The following NAV2 variants were observed in gnomAD, a reference collection of about 807,000 sequenced individuals.
NAV2 encodes the protein neuron navigator 2, also known as helicase, APC down-regulated 1.
NAV2 carries 54 observed loss-of-function variants against 223.2 expected under a neutral mutation model. The observed-to-expected ratio is 0.24, with a 90% CI of 0.19 to 0.30. NAV2 has a LOEUF of 0.30. Ranked by LOEUF, NAV2 falls within the 10% of genes least tolerant of loss-of-function variation. NAV2 has a pLI of 1.00. For synonymous variants in NAV2, 1,279 were observed against 1,239.3 expected (o/e 1.03, Z -0.67); for missense variants, 2,806 against 3,147.5 (o/e 0.89, Z 2.60).
At chr11:19,605,549 AAAG>A (rs984862645) in intron 1 of NAV2, among the ~76,000 whole-genome samples, 3 of 151,886 alleles carry the variant, frequency 2.0e-5, no homozygotes, top group African/African-American at 7.3e-5. Flanking sequence ...AAAAAAAAAA[AAAG>A]AAAGTCATGA....
intron 1 of NAV2, among the ~76,000 whole-genome samples, chr11:19,668,963 A>G (rs1478597245): frequency 6.6e-6 from 1 of 152,284 alleles, no homozygotes; most frequent in Non-Finnish European, 1.5e-5. Flanking sequence ...TTGGATTTTC[A>G]TCTCTTGTCC....
chr11:19,776,247 A>G (rs530027876), intron 1 of NAV2, among the ~76,000 whole-genome samples: 2 of 152,168 alleles, frequency 1.3e-5, no homozygotes, highest in Non-Finnish European at 2.9e-5. Flanking sequence ...CCTTTTCAGG[A>G]TACCGAAAGT....
chr11:19,569,995 C>G (rs751825768), intron 1 of NAV2, among the ~76,000 whole-genome samples: 3 of 152,210 alleles, frequency 2.0e-5, no homozygotes, highest in Non-Finnish European at 4.4e-5. Context: ...TCCCAGGCAG[C>G]AGAATTACTC....
At chr11:19,979,868 C>T (rs1057335212) in intron 10 of NAV2, among the ~76,000 whole-genome samples, 10 of 152,228 alleles carry the variant, frequency 6.6e-5, no homozygotes, top group African/African-American at 1.9e-4. Context: ...GGGATTTGAA[C>T]TCACCTGCCT....
At chr11:19,536,996 C>T (rs1248310884) in intron 1 of NAV2, among the ~76,000 whole-genome samples, 2 of 152,168 alleles carry the variant, frequency 1.3e-5, no homozygotes, top group Non-Finnish European at 2.9e-5. Flanking sequence ...ATTATATATG[C>T]TTTTGATTAA....
intron 4 of NAV2, among the ~76,000 whole-genome samples, chr11:19,871,813 G>A (rs925784516): frequency 6.6e-6 from 1 of 152,098 alleles, no homozygotes; most frequent in Non-Finnish European, 1.5e-5. Context: ...TCCAATTTGG[G>A]ACTGGAATGC....
intron 1 of NAV2, among the ~76,000 whole-genome samples, chr11:19,721,896 G>T (rs2050775819): frequency 6.6e-6 from 1 of 152,246 alleles, no homozygotes; most frequent in South Asian, 2.1e-4. Flanking sequence ...GAGAACATCT[G>T]CAGAAAGAAG....
intron 6 of NAV2, among the ~76,000 whole-genome samples, chr11:19,930,024 G>A (rs772877661): frequency 2.0e-5 from 3 of 152,140 alleles, no homozygotes; most frequent in Non-Finnish European, 2.9e-5. Context: ...TTCATGGTTT[G>A]TTTTGAGGTC....
At chr11:19,881,837 C>T (rs996442713) in intron 5 of NAV2, among the ~76,000 whole-genome samples, 1 of 152,254 alleles carries the variant, frequency 6.6e-6, no homozygotes. Context: ...AGAAAGGTCT[C>T]TCTCAGGACA....
chr11:19,839,750 A>T (rs534131912), intron 2 of NAV2, among the ~76,000 whole-genome samples: 2 of 152,368 alleles, frequency 1.3e-5, no homozygotes, highest in South Asian at 2.1e-4. Context: ...TTCTTATTTT[A>T]AAAGTGCACT....
intron 1 of NAV2, among the ~76,000 whole-genome samples, chr11:19,674,718 C>T (rs1242135102): frequency 2.0e-5 from 3 of 152,196 alleles, no homozygotes; most frequent in Non-Finnish European, 4.4e-5. Flanking sequence ...GGTTTTCCAC[C>T]TCAGCCTCCA....
At chr11:19,522,860 A>G (rs1271257369) in intron 1 of NAV2, among the ~76,000 whole-genome samples, 1 of 152,252 alleles carries the variant, frequency 6.6e-6, no homozygotes, top group Non-Finnish European at 1.5e-5. Context: ...ATGGCTGCCT[A>G]GAGCTCAGCG....
intron 6 of NAV2, 53 bp downstream of exon 6, chr11:19,892,647 A>G: frequency 6.3e-7 from 1 of 1,575,034 alleles, no homozygotes. Flanking sequence ...GAGCACATCT[A>G]CCTAGTTCCT....
intron 3 of NAV2, among the ~76,000 whole-genome samples, chr11:19,859,623 G>T (rs532549371): frequency 3.0e-4 from 46 of 151,868 alleles, no homozygotes; most frequent in African/African-American, 1.0e-3. Flanking sequence ...AACCGCCATC[G>T]TCATCATGGC....
chr11:19,764,816 G>A (rs1197883673), intron 1 of NAV2, among the ~76,000 whole-genome samples: 1 of 152,188 alleles, frequency 6.6e-6, no homozygotes, highest in Non-Finnish European at 1.5e-5. Flanking sequence ...CTCACAGACT[G>A]TTTCTCCCTT....
intron 1 of NAV2, among the ~76,000 whole-genome samples, chr11:19,454,500 C>G (rs543256209): frequency 2.6e-5 from 4 of 152,148 alleles, no homozygotes; most frequent in African/African-American, 7.2e-5. Flanking sequence ...GGGCTTTAGA[C>G]GAAGTGTCCT....
In NAV2 at chr11:19,572,920, G is replaced by A. The variant is rs964241944; in HGVS notation, c.75+221893G>A. ...AATATGCTGAAGTTTGCCAAGGACCGCTTTCCAGAAACAACAAACCGCAGA... is the reference window on the plus strand; with the variant it reads ...AATATGCTGAAGTTTGCCAAGGACCACTTTCCAGAAACAACAAACCGCAGA... On this transcript the variant is annotated intron_variant, in intron 1 of 37. Coordinates refer to the NAV2 transcript ENST00000360655. Among the ~76,000 whole-genome samples the A allele has an allele frequency of 5.3e-5, 8 of 152,268 alleles. No homozygotes were observed. In the South Asian group the frequency reaches 8.3e-4, roughly 16 times the overall value.
chr11:20,037,975 CAGAGAG>C (rs138521927), intron 12 of NAV2, among the ~76,000 whole-genome samples: 2 of 150,382 alleles, frequency 1.3e-5, no homozygotes, highest in Admixed American at 6.6e-5. Flanking sequence ...AGAGGTACTG[CAGAGAG>C]AGAGAGAGAG....
At chr11:19,592,255 C>T (rs181568668) in intron 1 of NAV2, among the ~76,000 whole-genome samples, 95 of 152,170 alleles carry the variant, frequency 6.2e-4, no homozygotes, top group Admixed American at 6.0e-3. Context: ...GGGCTTGTTA[C>T]TGTTGTTTAA....
Sources: allele counts gnomAD v4.1 joint callset (sites outside exome capture counted in the v4.1 genomes callset), GRCh38; gene constraint gnomAD v4.1.1; transcripts MANE v1.5; gene names NCBI Gene and HGNC (gene_info 2026-07-23, HGNC 2026-07-21).